Variants in ZBTB46 observed in about 807,000 individuals in gnomAD.
ZBTB46 encodes the protein zinc finger and BTB domain containing 46, also known as zinc finger and BTB domain-containing protein 46.
In ZBTB46, 8 loss-of-function variants were observed where a neutral mutation model predicts 44.1. The observed-to-expected ratio is 0.18, with a 90% CI of 0.11 to 0.33. The LOEUF is 0.33. Ranked by LOEUF, ZBTB46 falls within the 10% of genes least tolerant of loss-of-function variation. The probability of loss-of-function intolerance (pLI) is 1.00; values close to 1 mark genes in which losing one functional copy is unlikely to be tolerated. For synonymous variants in ZBTB46, 409 were observed against 382.3 expected, an observed-to-expected ratio of 1.07 and a Z score of -0.81; for missense variants, 651 against 847.7, an observed-to-expected ratio of 0.77 and a Z score of 2.88.
chr20:63,832,408 C>T (rs1444219712), upstream of ZBTB46, among the ~76,000 whole-genome samples: 2 of 152,190 alleles, frequency 1.3e-5, no homozygotes, highest in Admixed American at 6.5e-5. This position sits in a 1 kb window ranked among gnomAD's most constrained non-coding sequence, Gnocchi z 5.0. Context: ...GGGAGGCGCC[C>T]GGGCCGTCCA....
At chr20:63,833,355 G>T (rs1003416679), upstream of ZBTB46, among the ~76,000 whole-genome samples, 1 of 152,230 alleles carries the variant, frequency 6.6e-6, no homozygotes, top group African/African-American at 2.4e-5. Flanking sequence ...ACTTTGGGAG[G>T]CCGAGGCAGG....
At chr20:63,807,421 T>G (rs971319272) in intron 1 of ZBTB46, among the ~76,000 whole-genome samples, 31 of 152,192 alleles carry the variant, frequency 2.0e-4, no homozygotes, top group Non-Finnish European at 3.7e-4. Context: ...CTTGGCTCAC[T>G]GCAACTTCTA....
intron 1 of ZBTB46, among the ~76,000 whole-genome samples, chr20:63,802,066 C>CGTTA (rs2092649994): frequency 1.3e-5 from 2 of 152,132 alleles, no homozygotes; most frequent in African/African-American, 4.8e-5. Flanking sequence ...AAGCCCTAAC[C>CGTTA]CCTCATATTT....
At chr20:63,832,505 G>C (rs7344617), upstream of ZBTB46, among the ~76,000 whole-genome samples, 15,202 of 152,224 alleles carry the variant, frequency 0.1, 1,233 homozygotes, top group African/African-American at 0.22. The surrounding 1 kb of genome is among the most constrained non-coding windows in gnomAD (Gnocchi z 5.0). Flanking sequence ...CTGGATGTGT[G>C]AGGCGCATTC....
intron 3 of ZBTB46, among the ~76,000 whole-genome samples, chr20:63,768,956 T>C (rs2092344012): frequency 6.6e-6 from 1 of 152,152 alleles, no homozygotes; most frequent in East Asian, 1.9e-4. Context: ...GGGAAAAAAA[T>C]TGCTCAAAAT....
At chr20:63,818,380 G>C (rs2092772090) in intron 1 of ZBTB46, among the ~76,000 whole-genome samples, 1 of 152,204 alleles carries the variant, frequency 6.6e-6, no homozygotes. Context: ...TCCAACCCTG[G>C]GTCTTCGTGA....
rs1245724918 is a variant in ZBTB46 at position 63,746,776 on chromosome 20, G to A, written c.*154C>T. On this transcript the variant is annotated 3_prime_UTR_variant, in exon 5 of 5. Transcript: ENST00000245663. ...TGCTGGGGTCGCACCTGCTTAGCCC[G>A]CAGGGCTGGTTTCCGTGGGGGGTGG... is the stretch of plus-strand genomic sequence containing the variant. 1.1e-5 allele frequency: 14 copies of A among 1,248,620 alleles called. No homozygotes were observed. The highest frequency in any genetic ancestry group is 3.1e-5 in the Admixed American group (1 of 32,438). The allele number at this position is 1,248,620 out of a possible 1,614,324, so 77.3% of individuals were successfully genotyped here.
intron 2 of ZBTB46, among the ~76,000 whole-genome samples, chr20:63,786,796 C>T (rs1315722770): frequency 6.6e-6 from 1 of 152,160 alleles, no homozygotes; most frequent in African/African-American, 2.4e-5. Context: ...AGGCGTGAGC[C>T]ACCCCGCCCG....
intron 1 of ZBTB46, among the ~76,000 whole-genome samples, chr20:63,810,259 C>T (rs1413706081): frequency 6.6e-6 from 1 of 152,128 alleles, no homozygotes; most frequent in African/African-American, 2.4e-5. Flanking sequence ...CGAAGATGGC[C>T]CAGAAAACCG....
At chr20:63,748,379 C>T (rs2092125780) in intron 4 of ZBTB46, among the ~76,000 whole-genome samples, 1 of 152,206 alleles carries the variant, frequency 6.6e-6, no homozygotes. Context: ...GGACATGTGG[C>T]CCCAGGTGGG....
chr20:63,801,003 G>C (rs1010501561), intron 1 of ZBTB46, among the ~76,000 whole-genome samples: 2 of 152,250 alleles, frequency 1.3e-5, no homozygotes, highest in African/African-American at 4.8e-5. Flanking sequence ...TCCTGAGTCT[G>C]GTGGGGACTT....
chr20:63,778,475 G>GGGCA (rs2092442667), intron 2 of ZBTB46, among the ~76,000 whole-genome samples: 8 of 152,230 alleles, frequency 5.3e-5, no homozygotes, highest in Admixed American at 5.2e-4. Context: ...ATGGGGCAGG[G>GGGCA]GGCACTTGGA....
At chr20:63,747,510 C>G (rs559127050) in intron 4 of ZBTB46, among the ~76,000 whole-genome samples, 254 of 18,330 alleles carry the variant, frequency 0.014, 13 homozygotes, top group South Asian at 0.026. Context: ...GGGAGGGGGG[C>G]CAGGGGGTGA....
chr20:63,755,166 C>T (rs1466572426), intron 3 of ZBTB46, among the ~76,000 whole-genome samples: 1 of 152,244 alleles, frequency 6.6e-6, no homozygotes, highest in Non-Finnish European at 1.5e-5. Flanking sequence ...CCCTCACCAC[C>T]TGCATGTGCT....
chr20:63,801,807 C>T (rs919433147), intron 1 of ZBTB46, among the ~76,000 whole-genome samples: 1 of 152,262 alleles, frequency 6.6e-6, no homozygotes, highest in South Asian at 2.1e-4. Context: ...GACCAAGAAC[C>T]CACCAATTCC....
In ZBTB46 at chr20:63,823,858, T is replaced by TTCTGTGTGTGTGTG. The variant is rs144086739; in HGVS notation, c.-34+7238_-34+7239insCACACACACACAGA. 4.9e-3 allele frequency among the ~76,000 whole-genome samples: 712 copies of TTCTGTGTGTGTGTG among 144,800 alleles called. 4 individuals are homozygous for TTCTGTGTGTGTGTG. The highest frequency in any genetic ancestry group is 0.014 in the African/African-American group (553 of 38,460). The allele number at this position is 144,800 out of a possible 152,430, so 95.0% of individuals were successfully genotyped here. A position where few individuals can be genotyped will look rare whatever the true frequency, so the allele number is the denominator to read the frequency against. Reference sequence around the variant, plus strand: ...TCCTGACCTTTGTCCTCTAGGAACCTTGTGTGTGTGTGTGTGTGTGTGTGT... The same window carrying TTCTGTGTGTGTGTG: ...TCCTGACCTTTGTCCTCTAGGAACCTTCTGTGTGTGTGTGTGTGTGTGTGTGTGTGTGTGTGTGT... On this transcript the variant is annotated intron_variant, in intron 1 of 4. Transcript: ENST00000245663.
At chr20:63,830,275 T>C (rs931258008) in intron 1 of ZBTB46, among the ~76,000 whole-genome samples, 4 of 152,100 alleles carry the variant, frequency 2.6e-5, no homozygotes, top group African/African-American at 9.7e-5. Flanking sequence ...AATTCCCCGT[T>C]TGCCTTAGGG....
intron 1 of ZBTB46, among the ~76,000 whole-genome samples, chr20:63,808,893 C>T (rs535713347): frequency 1.3e-3 from 177 of 136,940 alleles, no homozygotes; most frequent in Non-Finnish European, 2.0e-3. Context: ...AGGAGAATGG[C>T]GGGAACCCGG....
chr20:63,813,456 A>AAAAT (rs1568899448), intron 1 of ZBTB46, among the ~76,000 whole-genome samples: 6 of 151,136 alleles, frequency 4.0e-5, no homozygotes, highest in Admixed American at 1.3e-4. Context: ...TCAAAAAAAA[A>AAAAT]AAATAAATAA....
Sources: gnomAD v4.1 joint callset for allele counts (sites outside exome capture counted in the v4.1 genomes callset) on GRCh38, gnomAD v4.1.1 for gene constraint, Gnocchi (gnomAD v3.1) non-coding constraint, MANE v1.5 for transcripts, NCBI Gene and HGNC (gene_info 2026-07-23, HGNC 2026-07-21) for gene names.